Variants in WWOX observed in about 807,000 individuals in gnomAD.
WWOX encodes WW domain-containing oxidoreductase.
A neutral mutation model predicts 46.2 loss-of-function variants in WWOX; 69 were observed. The ratio of observed to expected loss-of-function variants is 1.49; its 90% confidence interval spans 1.23 to 1.82. The LOEUF is 1.82. WWOX is among the 40% of genes most tolerant of loss of function. The pLI is 0.00. For synonymous variants in WWOX, 359 were observed against 202.6 expected (o/e 1.77, Z -6.56); for missense variants, 919 against 542.6 (o/e 1.69, Z -6.89).
chr16:78,492,222 G>C (rs7191096), intron 8 of WWOX, among the ~76,000 whole-genome samples: 1 of 152,112 alleles, frequency 6.6e-6, no homozygotes, highest in South Asian at 2.1e-4. Flanking sequence ...AGGATGAAGC[G>C]GGAAACCTGA....
intron 8 of WWOX, among the ~76,000 whole-genome samples, chr16:78,755,406 T>A (rs549089279): frequency 6.6e-6 from 1 of 152,262 alleles, no homozygotes; most frequent in South Asian, 2.1e-4. Context: ...GCTATTCCCC[T>A]GGACCATGAT....
At chr16:78,821,785 C>CA (rs2051502545) in intron 8 of WWOX, among the ~76,000 whole-genome samples, 1 of 152,198 alleles carries the variant, frequency 6.6e-6, no homozygotes, top group African/African-American at 2.4e-5. Context: ...AGCATAGTGT[C>CA]AGACACAAAA....
At chr16:78,882,784 C>T (rs962695677) in intron 8 of WWOX, among the ~76,000 whole-genome samples, 5 of 151,220 alleles carry the variant, frequency 3.3e-5, no homozygotes, top group African/African-American at 9.7e-5. Flanking sequence ...CCACCGCACC[C>T]GGTTATACAT....
intron 5 of WWOX, among the ~76,000 whole-genome samples, chr16:78,373,257 C>T (rs982690786): frequency 4.6e-5 from 7 of 152,176 alleles, no homozygotes; most frequent in African/African-American, 1.7e-4. Context: ...AAAAGTCTTT[C>T]AGTGTAAAGA....
chr16:78,381,347 A>G (rs2081953452), intron 5 of WWOX, among the ~76,000 whole-genome samples: 1 of 152,222 alleles, frequency 6.6e-6, no homozygotes, highest in Non-Finnish European at 1.5e-5. Flanking sequence ...TAGATGAAGA[A>G]GACTTAGTGT....
chr16:78,998,392 A>G (rs2047031087), intron 8 of WWOX, among the ~76,000 whole-genome samples: 1 of 152,134 alleles, frequency 6.6e-6, no homozygotes, highest in Non-Finnish European at 1.5e-5. Flanking sequence ...AGCAGAGCCT[A>G]CTGCCTTCAC....
intron 8 of WWOX, among the ~76,000 whole-genome samples, chr16:78,947,406 C>A (rs1160803622): frequency 6.6e-6 from 1 of 152,174 alleles, no homozygotes; most frequent in African/African-American, 2.4e-5. Context: ...GCATTTATTA[C>A]AGCGCAGGTG....
rs189885578 is a variant in WWOX, at chr16:78,938,220, C to G, written c.1057-273388C>G. Among the ~76,000 whole-genome samples, 7 of 152,284 alleles carry G rather than the reference C, an allele frequency of 4.6e-5. No individual in the cohort carries two copies. The East Asian group carries it at 1.2e-3, about 25-fold the overall frequency. ...TGTGAAATACATGAAGGCAGGACTT[C>G]CACACACCTGGACGTGAACTAGAGG... On this transcript the variant is annotated intron_variant, in intron 8 of 8. Coordinates refer to ENST00000566780, the MANE Select transcript of WWOX (RefSeq NM_016373.4).
intron 6 of WWOX, among the ~76,000 whole-genome samples, chr16:78,392,435 T>G (rs1040193014): frequency 1.8e-4 from 27 of 152,166 alleles, no homozygotes; most frequent in African/African-American, 5.3e-4. Flanking sequence ...GTTGGATAAC[T>G]ATTTCATTAT....
At chr16:78,761,442 CAAACTCACCATTGTCACCGGGGAG>C (rs2049791399) in intron 8 of WWOX, among the ~76,000 whole-genome samples, 1 of 152,186 alleles carries the variant, frequency 6.6e-6, no homozygotes, top group Non-Finnish European at 1.5e-5. Context: ...CCCAGACCAT[CAAACTCACCATTGTCACCGGGGAG>C]AAATTTGTGT....
chr16:78,849,660 G>C (rs1315435036), intron 8 of WWOX, among the ~76,000 whole-genome samples: 1 of 150,912 alleles, frequency 6.6e-6, no homozygotes, highest in Non-Finnish European at 1.5e-5. Context: ...TTCTGTATTT[G>C]AGGACAAAAC....
intron 8 of WWOX, among the ~76,000 whole-genome samples, chr16:78,879,247 C>G (rs983968970): frequency 2.0e-5 from 3 of 152,130 alleles, no homozygotes; most frequent in Non-Finnish European, 2.9e-5. Context: ...GCCGGGCAGG[C>G]TTTTGTGACA....
In WWOX at chr16:78,567,175, A is replaced by G. The variant is rs186201033; in HGVS notation, c.1056+134423A>G. ...GAAGGGCGTGATTGGCAGAAGCCCA[A>G]TTTAAGCCCCCATCATGTCCTGACG... is the stretch of plus-strand genomic sequence containing the variant. On this transcript the variant is annotated intron_variant, in intron 8 of 8. Coordinates refer to ENST00000566780, the MANE Select transcript of WWOX (RefSeq NM_016373.4). 7.0e-4 allele frequency among the ~76,000 whole-genome samples: 106 copies of G among 152,284 alleles called. 1 individual carries two copies. The highest frequency in any genetic ancestry group is 2.3e-3 in the African/African-American group (94 of 41,558).
chr16:78,318,515 C>T (rs1485902751), intron 5 of WWOX, among the ~76,000 whole-genome samples: 6 of 152,062 alleles, frequency 3.9e-5, no homozygotes, highest in Non-Finnish European at 5.9e-5. Flanking sequence ...AATTGGAGTT[C>T]TTAAAACAAA....
intron 8 of WWOX, among the ~76,000 whole-genome samples, chr16:78,701,450 A>C (rs2048214677): frequency 6.6e-6 from 1 of 152,032 alleles, no homozygotes; most frequent in Non-Finnish European, 1.5e-5. Flanking sequence ...ATGGCCACAT[A>C]GGTGGCAGTG....
intron 8 of WWOX, among the ~76,000 whole-genome samples, chr16:78,964,853 C>G (rs1013328133): frequency 1.3e-5 from 2 of 152,218 alleles, no homozygotes; most frequent in Non-Finnish European, 2.9e-5. Flanking sequence ...GTCCCAGCCA[C>G]TCCAGTCATG....
At chr16:78,567,185 C>G (rs1305597674) in intron 8 of WWOX, among the ~76,000 whole-genome samples, 1 of 152,144 alleles carries the variant, frequency 6.6e-6, no homozygotes, top group East Asian at 1.9e-4. Flanking sequence ...ATTTAAGCCC[C>G]CATCATGTCC....
intron 8 of WWOX, among the ~76,000 whole-genome samples, chr16:78,751,281 T>C (rs1402325855): frequency 2.6e-5 from 4 of 151,692 alleles, no homozygotes; most frequent in Non-Finnish European, 5.9e-5. Flanking sequence ...TTATGAATTA[T>C]TTCTGACATC....
chr16:78,627,325 A>C (rs534712476), intron 8 of WWOX, among the ~76,000 whole-genome samples: 10 of 152,162 alleles, frequency 6.6e-5, no homozygotes, highest in Admixed American at 5.2e-4. Context: ...GGCCATCACA[A>C]ACTACTCAGT....
Sources: allele counts gnomAD v4.1 joint callset (sites outside exome capture counted in the v4.1 genomes callset), GRCh38; gene constraint gnomAD v4.1.1; transcripts MANE v1.5; gene names NCBI Gene and HGNC (gene_info 2026-07-23, HGNC 2026-07-21).